The following MEGF8 variants were observed in gnomAD, a reference collection of about 807,000 sequenced individuals.
MEGF8 encodes multiple EGF like domains 8, also known as multiple epidermal growth factor-like domains protein 8.
In MEGF8, 156 loss-of-function variants were observed where a neutral mutation model predicts 302.9. The ratio of observed to expected loss-of-function variants is 0.52; its 90% CI spans 0.45 to 0.59. The LOEUF (loss-of-function observed/expected upper bound fraction) is 0.59. Ranked by LOEUF, MEGF8 falls within the 20% of genes least tolerant of loss-of-function variation. The pLI is 0.00. For missense variants in MEGF8, 3,345 were observed against 3,964.5 expected (o/e 0.84, Z 4.20); for synonymous variants, 1,621 against 1,660.5 (o/e 0.98, Z 0.58).
At position 42,343,461 on chromosome 19, in the gene MEGF8, G is replaced by T. The variant is rs758929945; in HGVS notation, c.1514-16G>T. ...CTGGGGGTCTAATAATGTCATTGGG[G>T]TCTCTATTCCCCTAGGCCGAGCAGC... On this transcript the variant is annotated splice_polypyrimidine_tract_variant and intron_variant, in intron 8 of 41. Coordinates refer to ENST00000251268, the MANE Select transcript of MEGF8 (RefSeq NM_001271938.2). 6.3e-7 allele frequency: 1 copy of T among 1,576,234 alleles called. No homozygotes were observed. Among genetic ancestry groups the T allele is most frequent in the East Asian group, 2.3e-5 (1 of 44,038 alleles).
At position 42,370,689 on chromosome 19, in the gene MEGF8, T is replaced by A. The variant is rs2039673447; in HGVS notation, c.7006-12T>A. 1.3e-6 allele frequency: 2 copies of A among 1,590,402 alleles called. No homozygotes were observed. Among genetic ancestry groups the A allele is most frequent in the African/African-American group, 1.3e-5 (1 of 74,406 alleles). On this transcript the variant is annotated splice_polypyrimidine_tract_variant and intron_variant, in intron 39 of 41. Transcript: ENST00000251268. Reference sequence around the variant, plus strand: ...AGGCCTTTCTATGATCACACTGTCCTTCCTTGGCCAGATTGAAAACTGGGT... The same window carrying A: ...AGGCCTTTCTATGATCACACTGTCCATCCTTGGCCAGATTGAAAACTGGGT...
At position 42,378,474 on chromosome 19, in the gene MEGF8, T is replaced by A. The variant is rs966430366; in HGVS notation, c.*1699T>A. ...TTCCAGACAGTGCTGCCTGGAAGAT[T>A]TCTGGGCTCTCCTGAGGCGCCACCC... On this transcript the variant is annotated 3_prime_UTR_variant, in exon 42 of 42. Coordinates refer to ENST00000251268, the MANE Select transcript of MEGF8 (RefSeq NM_001271938.2). The A allele has an allele frequency of 6.5e-6, 1 of 153,786 alleles. No individual in the cohort carries two copies. The highest frequency in any genetic ancestry group is 1.5e-5 in the Non-Finnish European group (1 of 68,124). 9.5% of individuals were successfully genotyped at this position (153,786 alleles called of 1,614,324 possible).
At position 42,333,740 on chromosome 19, in the gene MEGF8, C is replaced by T. The variant is rs201353508; in HGVS notation, c.323C>T (p.Pro108Leu). The change falls in exon 2 of 42, where the codon CCT (proline) becomes CTT (leucine). Residue 108 changes from proline to leucine, a missense_variant. Physicochemically the swap from Pro to Leu is moderately conservative, Grantham distance 98. Transcript: ENST00000251268. ...GCCAGTCTAAGTGGGAGCACCCGAC[C>T]TCCGCCCATCGAAGCTTCCTCAGGC... ...LLASLSGSTR[P>L]PPIEASSGKM... 9.3e-6 allele frequency: 15 copies of T among 1,613,856 alleles called. No homozygotes were observed. The highest frequency in any genetic ancestry group is 9.3e-6 in the Non-Finnish European group (11 of 1,179,878).
intron 31 of MEGF8, 72 bp downstream of exon 31, chr19:42,359,314 C>G: frequency 1.4e-6 from 2 of 1,421,822 alleles, no homozygotes; most frequent in Admixed American, 5.6e-5. Flanking sequence ...CCTGGGACTC[C>G]CACTCCTTAG....
Position 42,354,440 on chromosome 19 carries a change from C to A in MEGF8, c.4012-148C>A. On this transcript the variant is annotated intron_variant, in intron 22 of 41. Transcript: ENST00000251268. The surrounding 1 kb of genome is among the most constrained non-coding windows in gnomAD (Gnocchi z 4.3). The stretch of plus-strand genomic sequence containing the variant: ...CAGGAAGGGGAGTGGTGGCCTTATG[C>A]CATAGTTTGACAGTCTCCCCTGGAT... The A allele has an allele frequency of 1.1e-6, 1 of 933,426 alleles. No individual in the cohort carries two copies. The highest frequency in any genetic ancestry group is 1.6e-6 in the Non-Finnish European group (1 of 615,448). 57.8% of individuals were successfully genotyped at this position (933,426 alleles called of 1,614,324 possible). A position where few individuals can be genotyped will look rare whatever the true frequency, so the allele number is the denominator to read the frequency against.
rs764203206 is a variant in MEGF8 at position 42,353,455 on chromosome 19, G to A, written c.3551-10G>A. 2 of 1,609,124 alleles carry A rather than the reference G, an allele frequency of 1.2e-6. 1 individual carries two copies. ...ACTTGACTCTGTCCCACCTGCTGGG[G>A]CCTCCACAGACTGGACATGGGGGGA... is the stretch of plus-strand genomic sequence containing the variant. On this transcript the variant is annotated splice_polypyrimidine_tract_variant and intron_variant, in intron 20 of 41. Transcript: ENST00000251268. This position sits in a 1 kb window ranked among gnomAD's most constrained non-coding sequence, Gnocchi z 6.1.
At position 42,335,967 on chromosome 19, in the gene MEGF8, G is replaced by A. The variant is rs753588973; in HGVS notation, c.865G>A (p.Gly289Ser). The change falls in exon 6 of 42, where the codon GGC becomes AGC. Residue 289 changes from glycine to serine, a missense_variant. Physicochemically the swap from Gly to Ser is moderately conservative, Grantham distance 56. Transcript: ENST00000251268. ...CTCCCATGTGGCCGTGGCCTGGGCC[G>A]GCTCCCTGGTACTGATGGGTGGTGA... Reference protein sequence around the residue: ...RHSHVAVAWAGSLVLMGGELA... With the variant: ...RHSHVAVAWASSLVLMGGELA... 1.1e-5 allele frequency: 17 copies of A among 1,507,388 alleles called. No homozygotes were observed. The highest frequency in any genetic ancestry group is 4.2e-5 in the African/African-American group (3 of 72,128). The allele number at this position is 1,507,388 out of a possible 1,614,324, so 93.4% of individuals were successfully genotyped here.
In MEGF8 at chr19:42,334,130, G is replaced by A; in HGVS notation, c.475G>A (p.Ala159Thr). Residue 159 changes from alanine (A) to threonine (T), a missense_variant, in exon 3 of 42, where the codon GCC (alanine) becomes ACC (threonine). Physicochemically the swap from Ala to Thr is moderately conservative, Grantham distance 58. Transcript: ENST00000251268. Reference sequence around the variant, plus strand: ...GCAGTGCCAGCCACCGGGTGTGTGTGCCTGCGAGCCGGGCTGGGGGGGTCC... The same window carrying A: ...GCAGTGCCAGCCACCGGGTGTGTGTACCTGCGAGCCGGGCTGGGGGGGTCC... ...HGQCQPPGVC[A>T]CEPGWGGPDC... 2 of 1,612,260 alleles carry A rather than the reference G, an allele frequency of 1.2e-6. No individual in the cohort carries two copies. Among genetic ancestry groups the A allele is most frequent in the Non-Finnish European group, 1.7e-6 (2 of 1,179,766 alleles).
In MEGF8 at chr19:42,344,904, C is replaced by A; in HGVS notation, c.2097+71C>A. 1 of 1,411,926 alleles carries A rather than the reference C, an allele frequency of 7.1e-7. No individual in the cohort carries two copies. The highest frequency in any genetic ancestry group is 9.5e-7 in the Non-Finnish European group (1 of 1,056,602). The allele number at this position is 1,411,926 out of a possible 1,614,324, so 87.5% of individuals were successfully genotyped here. On this transcript the variant is annotated intron_variant, in intron 12 of 41. Transcript: ENST00000251268. This position sits in a 1 kb window ranked among gnomAD's most constrained non-coding sequence, Gnocchi z 4.5. ...CCTAGGGTTTGTTTTTTCTCAAATGCATCTTTATCACTCTTATGTTTACTC... is the reference window on the plus strand; with the variant it reads ...CCTAGGGTTTGTTTTTTCTCAAATGAATCTTTATCACTCTTATGTTTACTC...
Position 42,326,072 on chromosome 19 carries a change from C to G in MEGF8, c.-172C>G, listed in dbSNP as rs1243020003. 1.8e-6 allele frequency: 2 copies of G among 1,101,662 alleles called. No homozygotes were observed. Among genetic ancestry groups the G allele is most frequent in the Non-Finnish European group, 2.4e-6 (2 of 828,902 alleles). 68.2% of individuals were successfully genotyped at this position (1,101,662 alleles called of 1,614,324 possible). ...TCAGCCCTCGGCTTCCAGAGCCTGT[C>G]AGCAGTGGCCGTACCCTTCGCCGGG... On this transcript the variant is annotated 5_prime_UTR_variant, in exon 1 of 42. Coordinates refer to ENST00000251268, the MANE Select transcript of MEGF8 (RefSeq NM_001271938.2).
Position 42,376,369 on chromosome 19 carries a change from C to T in MEGF8, c.8132C>T (p.Pro2711Leu), listed in dbSNP as rs377485395. 50 of 1,613,282 alleles carry T rather than the reference C, an allele frequency of 3.1e-5. No homozygotes were observed. Among genetic ancestry groups the T allele is most frequent in the Admixed American group, 1.3e-4 (8 of 60,002 alleles). Residue 2711 changes from proline (P) to leucine (L), a missense_variant, in exon 42 of 42, where the codon CCG (proline) becomes CTG (leucine). Transcript: ENST00000251268. This position sits in a 1 kb window ranked among gnomAD's most constrained non-coding sequence, Gnocchi z 8.2. ...TGCTTCCCACCTGACCCTACTGCCCCGGCCTCCGCCTGGAAGCCGGCTGGG... is the reference window on the plus strand; with the variant it reads ...TGCTTCCCACCTGACCCTACTGCCCTGGCCTCCGCCTGGAAGCCGGCTGGG... ...TVCFPPDPTA[P>L]ASAWKPAGLP...
At chr19:42,331,042 G>A (rs1437066038) in intron 1 of MEGF8, among the ~76,000 whole-genome samples, 1 of 152,180 alleles carries the variant, frequency 6.6e-6, no homozygotes, top group Non-Finnish European at 1.5e-5. Flanking sequence ...GTTGAGTTGG[G>A]AAGATCAGAG....
At chr19:42,339,372 G>A (rs2039180905) in intron 8 of MEGF8, among the ~76,000 whole-genome samples, 1 of 152,110 alleles carries the variant, frequency 6.6e-6, no homozygotes, top group Non-Finnish European at 1.5e-5. Context: ...AACCTCACTC[G>A]CATGTGTTAT....
chr19:42,337,496 C>CTTTTG (rs1568558012), intron 8 of MEGF8, among the ~76,000 whole-genome samples: 6 of 149,864 alleles, frequency 4.0e-5, no homozygotes, highest in Admixed American at 2.0e-4. Flanking sequence ...TTTTAACTTT[C>CTTTTG]TTTTCTTTTC....
At chr19:42,328,189 C>G (rs1318372133) in intron 1 of MEGF8, among the ~76,000 whole-genome samples, 2 of 151,984 alleles carry the variant, frequency 1.3e-5, no homozygotes, top group Non-Finnish European at 2.9e-5. Flanking sequence ...GAGCTGTATC[C>G]TGAGGGCAAT....
Position 42,362,225 on chromosome 19 carries a change from G to A in MEGF8, c.5844+12G>A, listed in dbSNP as rs766505629. ...CTGGAGATGGAGAGGTGAGTGGTGG[G>A]GAAGGCAGGGATGAGAAGCAGCAGG... On this transcript the variant is annotated intron_variant, in intron 33 of 41. Coordinates refer to ENST00000251268, the MANE Select transcript of MEGF8 (RefSeq NM_001271938.2). The A allele has an allele frequency of 3.1e-6, 5 of 1,610,052 alleles. No individual in the cohort carries two copies. Among genetic ancestry groups the A allele is most frequent in the Non-Finnish European group, 2.5e-6 (3 of 1,179,274 alleles).
chr19:42,352,795 G>C lies in MEGF8; in HGVS notation c.3351-133G>C. ...ATGCATGGAGTTACCTTGGAGACAGGGTCACCCACATAGCCCAAAACCATG... is the reference window on the plus strand; with the variant it reads ...ATGCATGGAGTTACCTTGGAGACAGCGTCACCCACATAGCCCAAAACCATG... On this transcript the variant is annotated intron_variant, in intron 19 of 41. Transcript: ENST00000251268. This position sits in a 1 kb window ranked among gnomAD's most constrained non-coding sequence, Gnocchi z 4.4. The C allele has an allele frequency of 1.4e-6, 1 of 708,706 alleles. No individual in the cohort carries two copies. The highest frequency in any genetic ancestry group is 2.4e-6 in the Non-Finnish European group (1 of 420,942). The allele number at this position is 708,706 out of a possible 1,614,324, so 43.9% of individuals were successfully genotyped here. A position where few individuals can be genotyped will look rare whatever the true frequency, so the allele number is the denominator to read the frequency against.
Position 42,336,187 on chromosome 19 carries a change from G to T in MEGF8, c.1085G>T (p.Gly362Val), listed in dbSNP as rs747480874. The change falls in exon 6 of 42, where the codon GGC becomes GTC. Residue 362 changes from glycine (G) to valine (V), a missense_variant. Physicochemically the swap from Gly to Val is moderately radical, Grantham distance 109. Coordinates refer to ENST00000251268, the MANE Select transcript of MEGF8 (RefSeq NM_001271938.2). This position sits in a 1 kb window ranked among gnomAD's most constrained non-coding sequence, Gnocchi z 4.8. ...ACCCCGCACGACCTCTTCTCCTCTG[G>T]CCTCTTCCGTTTCCGCCTTGACAGC... ...GRTPHDLFSS[G>V]LFRFRLDSTS... The T allele has an allele frequency of 1.8e-4, 296 of 1,610,602 alleles. No individual in the cohort carries two copies. The highest frequency in any genetic ancestry group is 2.4e-4 in the Non-Finnish European group (285 of 1,179,878).
rs779646470 is a variant in MEGF8 at position 42,344,048 on chromosome 19, C to T, written c.1763C>T (p.Pro588Leu). The change falls in exon 10 of 42, where the codon CCC becomes CTC. Residue 588 changes from proline (P) to leucine (L), a missense_variant. Physicochemically the swap from Pro to Leu is moderately conservative, Grantham distance 98. Transcript: ENST00000251268. This position sits in a 1 kb window ranked among gnomAD's most constrained non-coding sequence, Gnocchi z 4.5. ...SWCQGACQAA[P>L]PPGTPLGACP... ...TGCCAAGGAGCCTGCCAAGCTGCAC[C>T]CCCTCCTGGGACCCCCTTGGGGGCT... 3.7e-6 allele frequency: 6 copies of T among 1,613,670 alleles called. No individual in the cohort carries two copies. The highest frequency in any genetic ancestry group is 4.2e-6 in the Non-Finnish European group (5 of 1,179,746).
Sources: gnomAD v4.1 joint callset for allele counts (sites outside exome capture counted in the v4.1 genomes callset) on GRCh38, gnomAD v4.1.1 for gene constraint, Gnocchi (gnomAD v3.1) non-coding constraint, MANE v1.5 for transcripts, NCBI Gene and HGNC (gene_info 2026-07-23, HGNC 2026-07-21) for gene names.